PTPRD: variants seen among roughly 807,000 people sequenced by gnomAD.
PTPRD encodes protein tyrosine phosphatase receptor type D.
PTPRD carries 34 observed loss-of-function variants against 214.5 expected under a neutral mutation model. The observed-to-expected ratio is 0.16, with a 90% CI of 0.12 to 0.21. PTPRD has a LOEUF of 0.21. PTPRD is among the 10% of genes least tolerant of loss of function. The pLI is 1.00. For missense variants in PTPRD, 2,545 were observed against 2,398.7 expected (o/e 1.06, Z -1.27); for synonymous variants, 1,128 against 845.7 (o/e 1.33, Z -5.79).
chr9:10,372,752 T>C (rs2097651856), intron 2 of PTPRD, among the ~76,000 whole-genome samples: 2 of 152,052 alleles, frequency 1.3e-5, no homozygotes, highest in South Asian at 2.1e-4. Context: ...TTAATGTTTA[T>C]ATGCACAAAA....
intron 26 of PTPRD, among the ~76,000 whole-genome samples, chr9:8,494,751 T>C (rs1276714406): frequency 6.6e-6 from 1 of 152,222 alleles, no homozygotes; most frequent in Admixed American, 6.5e-5. Flanking sequence ...CAATTTGAAA[T>C]GCGTCAAGTT....
chr9:9,919,024 A>G (rs1221264509), intron 5 of PTPRD, among the ~76,000 whole-genome samples: 1 of 152,158 alleles, frequency 6.6e-6, no homozygotes, highest in Non-Finnish European at 1.5e-5. Flanking sequence ...GATGTTGAGG[A>G]GATAGAATAA....
intron 14 of PTPRD, among the ~76,000 whole-genome samples, chr9:8,534,759 TAAGAAA>T (rs2076531879): frequency 6.6e-6 from 1 of 151,834 alleles, no homozygotes; most frequent in African/African-American, 2.4e-5. Context: ...TTTTTATACT[TAAGAAA>T]AAGTACGAAC....
chr9:10,224,366 T>G (rs997380228), intron 3 of PTPRD, among the ~76,000 whole-genome samples: 1 of 152,178 alleles, frequency 6.6e-6, no homozygotes, highest in Middle Eastern at 3.4e-3. Flanking sequence ...TTGTCTATTC[T>G]TTTCTTATTA....
intron 5 of PTPRD, among the ~76,000 whole-genome samples, chr9:9,872,150 C>G (rs1397372143): frequency 6.6e-6 from 1 of 152,126 alleles, no homozygotes; most frequent in African/African-American, 2.4e-5. Context: ...TGGCAATCAC[C>G]ATGTTCCCAT....
At chr9:10,385,747 T>A (rs1364093680) in intron 2 of PTPRD, among the ~76,000 whole-genome samples, 1 of 151,820 alleles carries the variant, frequency 6.6e-6, no homozygotes, top group Non-Finnish European at 1.5e-5. Flanking sequence ...CTTTCCAGCT[T>A]AGTGCCTGAC....
chr9:8,570,905 G>A (rs2090940696), intron 14 of PTPRD, among the ~76,000 whole-genome samples: 2 of 151,680 alleles, frequency 1.3e-5, no homozygotes, highest in Admixed American at 6.6e-5. Flanking sequence ...AAGCTGAATG[G>A]GCTGAGAGCG....
chr9:9,930,261 C>G (rs979626708), intron 5 of PTPRD, among the ~76,000 whole-genome samples: 1 of 151,872 alleles, frequency 6.6e-6, no homozygotes, highest in Non-Finnish European at 1.5e-5. Flanking sequence ...TGGTTAGAGT[C>G]ACAGAATTGG....
At chr9:9,555,086 C>T (rs145388960) in intron 8 of PTPRD, among the ~76,000 whole-genome samples, 30 of 152,068 alleles carry the variant, frequency 2.0e-4, no homozygotes, top group African/African-American at 6.7e-4. Context: ...GGCATAAGTG[C>T]ATAATGTGAA....
chr9:9,521,247 T>C (rs113682213), intron 8 of PTPRD, among the ~76,000 whole-genome samples: 3 of 152,262 alleles, frequency 2.0e-5, no homozygotes, highest in African/African-American at 7.2e-5. Context: ...TGACTAGGTC[T>C]GCGTGATACT....
At chr9:9,248,910 G>A (rs1352804439) in intron 9 of PTPRD, among the ~76,000 whole-genome samples, 1 of 152,056 alleles carries the variant, frequency 6.6e-6, no homozygotes, top group Non-Finnish European at 1.5e-5. Flanking sequence ...GGAGCACTCA[G>A]TACTAGCTGG....
intron 5 of PTPRD, among the ~76,000 whole-genome samples, chr9:9,935,509 C>T (rs2088883921): frequency 6.6e-6 from 1 of 152,052 alleles, no homozygotes; most frequent in African/African-American, 2.4e-5. Flanking sequence ...CCTAGGAATT[C>T]AACTTACAAG....
At chr9:10,113,300 G>A (rs1372216210) in intron 3 of PTPRD, among the ~76,000 whole-genome samples, 1 of 152,076 alleles carries the variant, frequency 6.6e-6, no homozygotes, top group African/African-American at 2.4e-5. Context: ...TTACAAATGG[G>A]GAAACTGAGA....
intron 9 of PTPRD, among the ~76,000 whole-genome samples, chr9:9,318,971 T>C (rs1341871533): frequency 6.6e-6 from 1 of 152,236 alleles, no homozygotes; most frequent in Non-Finnish European, 1.5e-5. Flanking sequence ...GCCTTCATTA[T>C]GAACTATAGT....
At chr9:9,112,590 T>C (rs2099807600) in intron 10 of PTPRD, among the ~76,000 whole-genome samples, 1 of 152,184 alleles carries the variant, frequency 6.6e-6, no homozygotes, top group African/African-American at 2.4e-5. Context: ...CTGGTGGCTT[T>C]ACTCTCTTGA....
chr9:9,991,882 G>T (rs2095945797), intron 4 of PTPRD, among the ~76,000 whole-genome samples: 1 of 149,012 alleles, frequency 6.7e-6, no homozygotes, highest in South Asian at 2.1e-4. Context: ...GTTCCAAATG[G>T]CCATTAACAT....
At chr9:9,633,843 T>C (rs867706247) in intron 7 of PTPRD, among the ~76,000 whole-genome samples, 1 of 152,132 alleles carries the variant, frequency 6.6e-6, no homozygotes, top group South Asian at 2.1e-4. Context: ...TCTTTTCCAG[T>C]GCAAATCATT....
chr9:8,618,026 T>C (rs1410531174), intron 14 of PTPRD, among the ~76,000 whole-genome samples: 1 of 152,132 alleles, frequency 6.6e-6, no homozygotes. Flanking sequence ...CCCAATTAAA[T>C]TGTCAGAGTA....
intron 9 of PTPRD, among the ~76,000 whole-genome samples, chr9:9,235,853 CTTT>C (rs71319207): frequency 0.14 from 21,265 of 151,886 alleles, 1,685 homozygotes; most frequent in Middle Eastern, 0.23. Context: ...ACTCTGGTGA[CTTT>C]TTTTTTGTTG....
Sources: gnomAD v4.1 joint callset for allele counts (sites outside exome capture counted in the v4.1 genomes callset) on GRCh38, gnomAD v4.1.1 for gene constraint, MANE v1.5 for transcripts, NCBI Gene and HGNC (gene_info 2026-07-23, HGNC 2026-07-21) for gene names.